SETD3: variants seen among roughly 807,000 people sequenced by gnomAD.
SETD3 encodes the protein SET domain containing 3, actin N3(tau)-histidine methyltransferase, also known as actin-histidine N-methyltransferase.
A neutral mutation model predicts 63.0 loss-of-function variants in SETD3; 19 were observed. The ratio of observed to expected loss-of-function variants is 0.30; its 90% CI spans 0.21 to 0.44. The LOEUF is 0.44. SETD3 is among the 20% of genes least tolerant of loss of function. The probability of loss-of-function intolerance (pLI) is 1.00; values close to 1 mark genes in which losing one functional copy is unlikely to be tolerated. For missense variants in SETD3, 587 were observed against 728.5 expected (o/e 0.81, Z 2.24); for synonymous variants, 286 against 264.1 (o/e 1.08, Z -0.80).
chr14:99,416,210 T>C (rs1190923997), intron 6 of SETD3, among the ~76,000 whole-genome samples: 1 of 152,184 alleles, frequency 6.6e-6, no homozygotes, highest in Non-Finnish European at 1.5e-5. Flanking sequence ...ACAATTTTCA[T>C]TTAAGCTCAA....
intron 8 of SETD3, among the ~76,000 whole-genome samples, chr14:99,407,280 C>T (rs1742356): frequency 0.064 from 9,724 of 152,150 alleles, 1,040 homozygotes; most frequent in African/African-American, 0.22. Flanking sequence ...TAAGCTCCCC[C>T]GTCTTAGTGA....
chr14:99,474,523 G>T (rs1243894669), intron 1 of SETD3, among the ~76,000 whole-genome samples: 1 of 152,176 alleles, frequency 6.6e-6, no homozygotes. Flanking sequence ...TCTTGATACA[G>T]AACAATTTGG....
chr14:99,405,463 A>G (rs1891630144), intron 9 of SETD3, 92 bp from the exon 10 acceptor site: 1 of 1,297,776 alleles, frequency 7.7e-7, no homozygotes, highest in African/African-American at 1.5e-5. Context: ...GTGCTACTTT[A>G]CATTTAGACA....
intron 6 of SETD3, among the ~76,000 whole-genome samples, chr14:99,448,815 A>G (rs941773459): frequency 1.3e-5 from 2 of 152,230 alleles, no homozygotes; most frequent in Non-Finnish European, 2.9e-5. Context: ...AACTGAGGTC[A>G]GGAAAATGGC....
At chr14:99,461,373 T>A (rs1895053311) in intron 3 of SETD3, 33 bp from the exon 4 acceptor site, 1 of 1,601,434 alleles carries the variant, frequency 6.2e-7, no homozygotes, top group Non-Finnish European at 8.5e-7. Context: ...AAACAAGAGC[T>A]ACTTTTAGGA....
intron 6 of SETD3, among the ~76,000 whole-genome samples, chr14:99,440,519 G>A (rs982372819): frequency 6.6e-6 from 1 of 152,132 alleles, no homozygotes; most frequent in Non-Finnish European, 1.5e-5. Context: ...CATGCGCAGG[G>A]GAGGGCGATT....
At chr14:99,462,479 G>A (rs1387406440) in intron 3 of SETD3, among the ~76,000 whole-genome samples, 1 of 152,148 alleles carries the variant, frequency 6.6e-6, no homozygotes, top group Non-Finnish European at 1.5e-5. Context: ...CTGCTAAATG[G>A]CGAAAATGAC....
At chr14:99,476,510 T>C (rs1266288123) in intron 1 of SETD3, among the ~76,000 whole-genome samples, 1 of 152,232 alleles carries the variant, frequency 6.6e-6, no homozygotes, top group East Asian at 1.9e-4. Flanking sequence ...TGCCACATTT[T>C]TGTTGCAGGG....
chr14:99,461,099 C>T, intron 4 of SETD3, 93 bp downstream of exon 4: 2 of 1,441,344 alleles, frequency 1.4e-6, no homozygotes, highest in Non-Finnish European at 1.9e-6. Context: ...TAGAACTCCC[C>T]CACCACACGT....
chr14:99,440,665 C>A (rs1385497629), intron 6 of SETD3, among the ~76,000 whole-genome samples: 1 of 151,134 alleles, frequency 6.6e-6, no homozygotes, highest in Non-Finnish European at 1.5e-5. Context: ...AGAAAGAGGG[C>A]ATAGGGTGCA....
At chr14:99,469,492 C>T (rs765839519) in intron 1 of SETD3, among the ~76,000 whole-genome samples, 16 of 152,202 alleles carry the variant, frequency 1.1e-4, no homozygotes, top group Non-Finnish European at 2.1e-4. Flanking sequence ...GCCTATAATC[C>T]TAGCACTTTG....
chr14:99,416,884 C>T (rs997995832), intron 6 of SETD3, among the ~76,000 whole-genome samples: 2 of 152,058 alleles, frequency 1.3e-5, no homozygotes, highest in African/African-American at 4.8e-5. Flanking sequence ...AACCCAGGGA[C>T]GCACTCTTCC....
intron 6 of SETD3, among the ~76,000 whole-genome samples, chr14:99,451,472 T>C (rs1431600937): frequency 2.0e-5 from 3 of 152,336 alleles, no homozygotes; most frequent in African/African-American, 7.2e-5. Flanking sequence ...GTATGATGTT[T>C]CAGCAGCAGG....
intron 6 of SETD3, among the ~76,000 whole-genome samples, chr14:99,449,850 T>C (rs1392251284): frequency 1.3e-5 from 2 of 152,198 alleles, no homozygotes; most frequent in African/African-American, 4.8e-5. Flanking sequence ...TGCACAAATT[T>C]TGCAACTGTT....
intron 6 of SETD3, among the ~76,000 whole-genome samples, chr14:99,414,714 A>C (rs1394398239): frequency 6.6e-6 from 1 of 152,226 alleles, no homozygotes; most frequent in Non-Finnish European, 1.5e-5. Context: ...AGCACTTAAA[A>C]ACTTTGTCTC....
At chr14:99,483,413 T>C (rs1035984270), upstream of SETD3, among the ~76,000 whole-genome samples, 3 of 151,258 alleles carry the variant, frequency 2.0e-5, no homozygotes, top group Non-Finnish European at 4.4e-5. Context: ...ATTAGCCAGA[T>C]GTGGAGGTGC....
intron 10 of SETD3, among the ~76,000 whole-genome samples, chr14:99,404,605 C>T (rs1891580001): frequency 6.9e-6 from 1 of 145,512 alleles, no homozygotes. Flanking sequence ...ATTAAACATA[C>T]ACATGGTTTT....
intron 8 of SETD3, among the ~76,000 whole-genome samples, chr14:99,407,883 A>C (rs1039711636): frequency 2.0e-5 from 3 of 152,162 alleles, no homozygotes; most frequent in African/African-American, 7.2e-5. Context: ...TAAAACCTGA[A>C]GTGGTCTTTG....
upstream of SETD3, among the ~76,000 whole-genome samples, chr14:99,482,596 T>TC (rs1896374114): frequency 6.6e-6 from 1 of 152,238 alleles, no homozygotes. Flanking sequence ...AGGGTTTTTT[T>TC]CCCTCTTTTA....
Sources: gnomAD v4.1 joint callset for allele counts (sites outside exome capture counted in the v4.1 genomes callset) on GRCh38, gnomAD v4.1.1 for gene constraint, MANE v1.5 for transcripts, NCBI Gene and HGNC (gene_info 2026-07-23, HGNC 2026-07-21) for gene names.